The following PRR5L variants were observed in gnomAD, a reference collection of about 807,000 sequenced individuals.
PRR5L encodes proline rich 5 like, also known as proline-rich protein 5-like.
PRR5L carries 21 observed loss-of-function variants against 36.4 expected under a neutral mutation model. The observed-to-expected ratio is 0.58, with a 90% CI of 0.41 to 0.83. The LOEUF (loss-of-function observed/expected upper bound fraction) is 0.83. Ranked by LOEUF, PRR5L falls within the 40% of genes least tolerant of loss-of-function variation. PRR5L has a pLI of 0.00. For missense variants in PRR5L, 381 were observed against 473.3 expected, an observed-to-expected ratio of 0.80 and a Z score of 1.81; for synonymous variants, 188 against 197.0, an observed-to-expected ratio of 0.95 and a Z score of 0.38.
Position 36,378,850 on chromosome 11 carries a change from G to C in PRR5L, c.-125-22147G>C, listed in dbSNP as rs562819714. Among the ~76,000 whole-genome samples, 13 of 152,262 alleles carry C rather than the reference G, an allele frequency of 8.5e-5. No homozygotes were observed. In the East Asian group the frequency reaches 2.5e-3, roughly 29 times the overall value. On this transcript the variant is annotated intron_variant, in intron 1 of 8. Transcript: ENST00000530639. ...CTATCATATAGATGAGCCCACTGAG[G>C]CTTGGAGAATTTAAGTAATTTGTCT...
At chr11:36,445,181 G>T (rs1039525521) in intron 6 of PRR5L, among the ~76,000 whole-genome samples, 2 of 152,210 alleles carry the variant, frequency 1.3e-5, no homozygotes, top group Non-Finnish European at 2.9e-5. Context: ...CTATGGAGTT[G>T]CAGGAAATAT....
chr11:36,379,485 G>A (rs1857333398), intron 1 of PRR5L: 1 of 152,190 alleles, frequency 6.6e-6, no homozygotes, highest in Admixed American at 6.5e-5. Context: ...CTCAAGAGTT[G>A]CCTCTCTGTA....
intron 2 of PRR5L, among the ~76,000 whole-genome samples, chr11:36,401,955 C>G (rs1857807664): frequency 6.6e-6 from 1 of 152,172 alleles, no homozygotes; most frequent in Admixed American, 6.5e-5. Flanking sequence ...TAACCTACTT[C>G]CCACTTGGGA....
At chr11:36,418,756 A>G (rs1037575577) in intron 3 of PRR5L, among the ~76,000 whole-genome samples, 1 of 152,162 alleles carries the variant, frequency 6.6e-6, no homozygotes, top group African/African-American at 2.4e-5. Flanking sequence ...AGATTGCGCC[A>G]CTGCACTCCA....
At chr11:36,348,074 T>C (rs1055827153) in intron 1 of PRR5L, among the ~76,000 whole-genome samples, 1 of 152,188 alleles carries the variant, frequency 6.6e-6, no homozygotes, top group East Asian at 1.9e-4. Flanking sequence ...GCTCAGTACA[T>C]GTTAACAGTT....
At chr11:36,413,635 T>C (rs997390279) in intron 3 of PRR5L, among the ~76,000 whole-genome samples, 33 of 152,108 alleles carry the variant, frequency 2.2e-4, no homozygotes, top group Non-Finnish European at 4.3e-4. Context: ...TCTTTATGCA[T>C]GTATAAGGAA....
intron 1 of PRR5L, among the ~76,000 whole-genome samples, chr11:36,363,713 T>C (rs1857116957): frequency 6.6e-6 from 1 of 152,204 alleles, no homozygotes; most frequent in South Asian, 2.1e-4. Context: ...CCTACCAGTC[T>C]TTCTGTACCT....
intron 1 of PRR5L, among the ~76,000 whole-genome samples, chr11:36,381,955 G>C (rs1404088569): frequency 1.3e-5 from 2 of 151,988 alleles, no homozygotes; most frequent in Non-Finnish European, 2.9e-5. Flanking sequence ...TCAGGAGATC[G>C]AGACCATCCT....
intron 1 of PRR5L, among the ~76,000 whole-genome samples, chr11:36,385,479 G>A (rs1857440511): frequency 6.6e-6 from 1 of 152,246 alleles, no homozygotes; most frequent in African/African-American, 2.4e-5. Context: ...TAAATTGTCA[G>A]CTTTCTGAAT....
chr11:36,422,720 A>G (rs922110938), intron 4 of PRR5L, among the ~76,000 whole-genome samples: 17 of 152,210 alleles, frequency 1.1e-4, no homozygotes, highest in Non-Finnish European at 2.5e-4. Context: ...ATGCCTGCAC[A>G]CAGAGAAGAC....
chr11:36,319,369 G>A lies in PRR5L; in HGVS notation c.-126+22931G>A, dbSNP rs182270601. On this transcript the variant is annotated intron_variant, in intron 1 of 8. Transcript: ENST00000530639. ...AGCAGACAGAAGCCAAGAGATGGAC[G>A]GATTGGGTTTTAGAAATGTCATCTG... Among the ~76,000 whole-genome samples, 54 of 152,338 alleles carry A rather than the reference G, an allele frequency of 3.5e-4. No homozygotes were observed. In the East Asian group the frequency reaches 0.01, roughly 28 times the overall value.
rs114064606 is a variant in PRR5L, at chr11:36,334,221, C to T, written c.-126+37783C>T. On this transcript the variant is annotated intron_variant, in intron 1 of 8. Coordinates refer to ENST00000530639, the MANE Select transcript of PRR5L (RefSeq NM_001160167.2). ...TATCCTGGATGGTGGTCTTGGGTCC[C>T]GGGGAAATTTCATGACTGTGGGAGA... is the stretch of plus-strand genomic sequence containing the variant. Among the ~76,000 whole-genome samples, 1,323 of 152,210 alleles carry T rather than the reference C, an allele frequency of 8.7e-3. 18 individuals carry two copies. The highest frequency in any genetic ancestry group is 0.03 in the African/African-American group (1,260 of 41,540).
At chr11:36,428,325 G>T (rs1408307008) in intron 4 of PRR5L, among the ~76,000 whole-genome samples, 1 of 152,178 alleles carries the variant, frequency 6.6e-6, no homozygotes, top group Non-Finnish European at 1.5e-5. Context: ...TAAATTCAAA[G>T]ATAAAAATAC....
rs561813520 is a variant in PRR5L at position 36,312,900 on chromosome 11, G to A, written c.-126+16462G>A. Among the ~76,000 whole-genome samples the A allele has an allele frequency of 2.6e-5, 4 of 152,370 alleles. No homozygotes were observed. In the South Asian group the frequency reaches 8.3e-4, roughly 32 times the overall value. The stretch of plus-strand genomic sequence containing the variant: ...TTTCTCAGCCTGGGCAGGGCAACCT[G>A]CCCTTTTCTGACTTTTCTGTGTGAT... On this transcript the variant is annotated intron_variant, in intron 1 of 8. Coordinates refer to ENST00000530639, the MANE Select transcript of PRR5L (RefSeq NM_001160167.2).
chr11:36,414,794 T>A (rs953913756), intron 3 of PRR5L, among the ~76,000 whole-genome samples: 3 of 148,002 alleles, frequency 2.0e-5, no homozygotes, highest in African/African-American at 7.6e-5. Context: ...CCCATGCCTA[T>A]GTCCTGAATG....
rs375577658 is a variant in PRR5L at position 36,311,220 on chromosome 11, C to T, written c.-126+14782C>T. Among the ~76,000 whole-genome samples, 24 of 152,262 alleles carry T rather than the reference C, an allele frequency of 1.6e-4. 1 individual carries two copies. In the South Asian group the frequency reaches 4.1e-3, roughly 26 times the overall value. ...GTTCAGTGCTAGTCCCATTCTAAGG[C>T]GTGGCTGCTTGGCATAGCAGTTTTT... On this transcript the variant is annotated intron_variant, in intron 1 of 8. Coordinates refer to ENST00000530639, the MANE Select transcript of PRR5L (RefSeq NM_001160167.2).
Position 36,310,750 on chromosome 11 carries a change from G to A in PRR5L, c.-126+14312G>A, listed in dbSNP as rs532199106. On this transcript the variant is annotated intron_variant, in intron 1 of 8. Coordinates refer to ENST00000530639, the MANE Select transcript of PRR5L (RefSeq NM_001160167.2). ...GTGGTGGCTCACGCCTGTAATCGCA[G>A]CACTTTGGGGGGCCGAGGTGGGCAG... Among the ~76,000 whole-genome samples, 4 of 152,232 alleles carry A rather than the reference G, an allele frequency of 2.6e-5. No homozygotes were observed. The South Asian group carries it at 8.3e-4, about 32-fold the overall frequency.
chr11:36,350,762 T>G (rs1856921732), intron 1 of PRR5L, among the ~76,000 whole-genome samples: 1 of 150,944 alleles, frequency 6.6e-6, no homozygotes, highest in Non-Finnish European at 1.5e-5. Context: ...ATAGCTTAGC[T>G]CCCACTTATG....
intron 1 of PRR5L, among the ~76,000 whole-genome samples, chr11:36,358,406 C>T (rs1857050831): frequency 1.3e-5 from 2 of 152,230 alleles, no homozygotes; most frequent in African/African-American, 4.8e-5. Context: ...ATTGAGGCAA[C>T]ACCCTCCACC....
Sources: allele counts gnomAD v4.1 joint callset (sites outside exome capture counted in the v4.1 genomes callset), GRCh38; gene constraint gnomAD v4.1.1; transcripts MANE v1.5; gene names NCBI Gene and HGNC (gene_info 2026-07-23, HGNC 2026-07-21).